Variants in CHN2 observed in about 807,000 individuals in gnomAD.
The protein encoded by CHN2 is chimerin 2.
A neutral mutation model predicts 56.3 loss-of-function variants in CHN2; 35 were observed. The observed-to-expected ratio is 0.62, with a 90% confidence interval of 0.47 to 0.82. The LOEUF (loss-of-function observed/expected upper bound fraction) is 0.82. Among genes scored for constraint, CHN2 ranks in the 40% least tolerant of loss-of-function variants. The pLI is 0.00. For missense variants in CHN2, 491 were observed against 580.5 expected (o/e 0.85, Z 1.58); for synonymous variants, 210 against 212.8 (o/e 0.99, Z 0.12).
intron 1 of CHN2, among the ~76,000 whole-genome samples, chr7:29,272,069 A>G (rs184362567): frequency 1.3e-5 from 2 of 152,240 alleles, no homozygotes; most frequent in East Asian, 3.9e-4. Context: ...CCTGCAGAGA[A>G]TGTGGCTCTT....
chr7:29,488,155 C>A (rs771374145), intron 7 of CHN2, among the ~76,000 whole-genome samples: 6 of 152,178 alleles, frequency 3.9e-5, no homozygotes, highest in Non-Finnish European at 7.3e-5. Context: ...CCTTGGCCAG[C>A]CTTTCAGAGG....
At chr7:29,500,154 C>A (rs940676021) in intron 9 of CHN2, 114 bp downstream of exon 9, 4 of 672,486 alleles carry the variant, frequency 5.9e-6, no homozygotes, top group African/African-American at 1.8e-5. Flanking sequence ...AAATGACCTA[C>A]GCATGTGTGC....
rs765959536 is a variant in CHN2 at position 29,238,202 on chromosome 7, TA to T, written c.49+43215del. On this transcript the variant is annotated intron_variant, in intron 1 of 12. Coordinates refer to ENST00000222792, the MANE Select transcript of CHN2 (RefSeq NM_004067.4). ...CCGGCTAATATTTTTGTATTTTTAG[TA>T]AAGATGGGGTTTCACTGTGTTAGCC... Among the ~76,000 whole-genome samples, 44 of 152,056 alleles carry T rather than the reference TA, an allele frequency of 2.9e-4. No individual in the cohort carries two copies. The East Asian group carries it at 7.5e-3, about 26-fold the overall frequency.
chr7:29,433,462 T>A (rs971487970), intron 6 of CHN2, among the ~76,000 whole-genome samples: 2 of 152,172 alleles, frequency 1.3e-5, no homozygotes, highest in Non-Finnish European at 2.9e-5. Context: ...GGATATAGAT[T>A]TTTTAGAGTG....
chr7:29,146,913 A>T, exon 2 of CHN2: 1 of 1,551,216 alleles, frequency 6.4e-7, no homozygotes, highest in Non-Finnish European at 8.7e-7. Context: ...CACTGTTTAA[A>T]AAGGCAACAC....
At chr7:29,147,498 G>A (rs1383928078) in intron 2 of CHN2, among the ~76,000 whole-genome samples, 2 of 152,198 alleles carry the variant, frequency 1.3e-5, no homozygotes, top group Non-Finnish European at 2.9e-5. Flanking sequence ...TTACGAGCTG[G>A]AACAAACTAA....
intron 1 of CHN2, among the ~76,000 whole-genome samples, chr7:29,273,480 C>T (rs919683046): frequency 4.0e-5 from 6 of 149,666 alleles, no homozygotes; most frequent in African/African-American, 1.5e-4. Context: ...CCACAGTGAA[C>T]ACGGGAGTGC....
intron 1 of CHN2, among the ~76,000 whole-genome samples, chr7:29,308,804 A>G (rs1016574509): frequency 2.6e-4 from 40 of 152,358 alleles, no homozygotes; most frequent in African/African-American, 9.1e-4. Context: ...CGTGCTAAGC[A>G]GATCTGTCTC....
intron 6 of CHN2, among the ~76,000 whole-genome samples, chr7:29,448,559 A>T (rs1279266267): frequency 6.6e-6 from 1 of 152,160 alleles, no homozygotes; most frequent in Non-Finnish European, 1.5e-5. Context: ...ATCCTGTAAG[A>T]TCCCGCCTCA....
At chr7:29,442,746 C>T (rs992297193) in intron 6 of CHN2, among the ~76,000 whole-genome samples, 21 of 152,076 alleles carry the variant, frequency 1.4e-4, no homozygotes, top group Non-Finnish European at 3.1e-4. Flanking sequence ...GTATCCACAA[C>T]CATTCTCCTA....
chr7:29,164,385 G>A (rs1795620154), intron 2 of CHN2, among the ~76,000 whole-genome samples: 1 of 152,032 alleles, frequency 6.6e-6, no homozygotes, highest in Non-Finnish European at 1.5e-5. Flanking sequence ...TATATAAAAT[G>A]CAAACCCTTC....
At chr7:29,480,429 T>G in intron 7 of CHN2, 73 bp downstream of exon 7, 1 of 1,463,558 alleles carries the variant, frequency 6.8e-7, no homozygotes, top group Admixed American at 1.7e-5. Context: ...AGTTTCCGTC[T>G]GGTTTCTGAC....
intron 3 of CHN2, among the ~76,000 whole-genome samples, chr7:29,375,323 C>T (rs759167734): frequency 1.3e-4 from 19 of 150,780 alleles, no homozygotes; most frequent in Non-Finnish European, 1.2e-4. Context: ...CTCAGCCTCC[C>T]GAGTAGCTGG....
chr7:29,307,582 G>A (rs1794271745), intron 1 of CHN2, among the ~76,000 whole-genome samples: 1 of 152,198 alleles, frequency 6.6e-6, no homozygotes, highest in Admixed American at 6.5e-5. Flanking sequence ...ATCCGAGTGG[G>A]CCAAGTGTAA....
intron 3 of CHN2, 103 bp downstream of exon 3, chr7:29,368,090 T>C: frequency 1.1e-6 from 1 of 889,204 alleles, no homozygotes; most frequent in Non-Finnish European, 1.6e-6. Context: ...TTGATTTCTA[T>C]TAACATTTGT....
chr7:29,434,594 C>T (rs1462905363), intron 6 of CHN2, among the ~76,000 whole-genome samples: 1 of 151,990 alleles, frequency 6.6e-6, no homozygotes, highest in African/African-American at 2.4e-5. Flanking sequence ...TTCCTCTTTC[C>T]TTATAAGGAA....
At chr7:29,205,880 G>A (rs953664552) in intron 1 of CHN2, among the ~76,000 whole-genome samples, 1 of 151,976 alleles carries the variant, frequency 6.6e-6, no homozygotes, top group Non-Finnish European at 1.5e-5. Context: ...CAGTAATAGC[G>A]TAGCCACATA....
chr7:29,437,490 C>T (rs1352164807), intron 6 of CHN2, among the ~76,000 whole-genome samples: 1 of 129,078 alleles, frequency 7.7e-6, no homozygotes, highest in Non-Finnish European at 1.6e-5. Context: ...CCCAGCTACT[C>T]GGGAGGCTGA....
chr7:29,333,088 A>C (rs765187766), intron 1 of CHN2: 2 of 152,140 alleles, frequency 1.3e-5, no homozygotes, highest in African/African-American at 2.4e-5. Flanking sequence ...AGGGAGAGGC[A>C]TGCTTCTGTC....
Sources: gnomAD v4.1 joint callset for allele counts (sites outside exome capture counted in the v4.1 genomes callset) on GRCh38, gnomAD v4.1.1 for gene constraint, MANE v1.5 for transcripts, NCBI Gene and HGNC (gene_info 2026-07-23, HGNC 2026-07-21) for gene names.